Variants in CACNA2D4 observed in about 807,000 individuals in gnomAD.
CACNA2D4 encodes calcium voltage-gated channel auxiliary subunit alpha2delta 4, also known as voltage-dependent calcium channel subunit alpha-2/delta-4.
In CACNA2D4, 157 loss-of-function variants were observed where a neutral mutation model predicts 163.8. The observed-to-expected ratio is 0.96, with a 90% confidence interval of 0.84 to 1.09. The LOEUF is 1.09. Ranked by LOEUF, CACNA2D4 falls within the 50% of genes least tolerant of loss-of-function variation. The probability of loss-of-function intolerance (pLI) is 0.00; values close to 1 mark genes in which losing one functional copy is unlikely to be tolerated. For synonymous variants in CACNA2D4, 598 were observed against 586.9 expected (o/e 1.02, Z -0.27); for missense variants, 1,410 against 1,479.9 (o/e 0.95, Z 0.78).
intron 26 of CACNA2D4, among the ~76,000 whole-genome samples, chr12:1,822,517 C>T (rs901434837): frequency 1.3e-5 from 2 of 152,166 alleles, no homozygotes; most frequent in South Asian, 2.1e-4. Flanking sequence ...GACACCTTAG[C>T]CTCCTTCATG....
Position 1,801,093 on chromosome 12 carries a change from T to C in CACNA2D4, c.2818A>G (p.Met940Val), listed in dbSNP as rs1433650506. 1 of 1,613,852 alleles carries C rather than the reference T, an allele frequency of 6.2e-7. No individual in the cohort carries two copies. Among genetic ancestry groups the C allele is most frequent in the South Asian group, 1.1e-5 (1 of 91,072 alleles). Residue 940 changes from methionine to valine, a missense_variant, in exon 31 of 38, where the codon ATG becomes GTG. Physicochemically the swap from Met to Val is conservative, Grantham distance 21. Coordinates refer to ENST00000382722, the MANE Select transcript of CACNA2D4 (RefSeq NM_172364.5). ...SQVTMYDYQA[M>V]CKPSSHHHSA... Reference sequence around the variant, plus strand: ...TGGTGGTGACTCGAGGGTTTGCACATGGCCTGATAGTCATACATAGTCACT... The same window carrying C: ...TGGTGGTGACTCGAGGGTTTGCACACGGCCTGATAGTCATACATAGTCACT...
intron 18 of CACNA2D4, among the ~76,000 whole-genome samples, chr12:1,870,094 T>C (rs1205250228): frequency 6.6e-6 from 1 of 152,200 alleles, no homozygotes; most frequent in African/African-American, 2.4e-5. Context: ...CGTGGGACAG[T>C]CTTTACTCCT....
intron 26 of CACNA2D4, among the ~76,000 whole-genome samples, chr12:1,812,924 G>A (rs993323480): frequency 6.6e-6 from 1 of 152,150 alleles, no homozygotes; most frequent in Non-Finnish European, 1.5e-5. Flanking sequence ...CTCACTTCTC[G>A]AGTACCCAGT....
chr12:1,912,482 T>G (rs1866850115), intron 3 of CACNA2D4, among the ~76,000 whole-genome samples: 1 of 152,206 alleles, frequency 6.6e-6, no homozygotes, highest in Non-Finnish European at 1.5e-5. Flanking sequence ...TAAGCACCTC[T>G]GCTGCCCGGG....
chr12:1,854,094 T>A, intron 22 of CACNA2D4, 50 bp from the exon 23 acceptor site: 1 of 1,342,910 alleles, frequency 7.4e-7, no homozygotes. Context: ...TCCATGCTCA[T>A]GAACACAACT....
At chr12:1,907,687 G>C in intron 5 of CACNA2D4, 116 bp from the exon 6 acceptor site, 1 of 1,197,650 alleles carries the variant, frequency 8.3e-7, no homozygotes, top group Non-Finnish European at 1.2e-6. Context: ...AAGCGTGCCT[G>C]GTGGGTGTGC....
chr12:1,888,603 A>T (rs1259923174), intron 6 of CACNA2D4, among the ~76,000 whole-genome samples: 1 of 152,260 alleles, frequency 6.6e-6, no homozygotes, highest in African/African-American at 2.4e-5. Context: ...ACAGCCTTGC[A>T]AATATGAAGC....
Position 1,878,532 on chromosome 12 carries a change from A to G in CACNA2D4, c.1645-143T>C. ...TTTTCAATAGGAACGTAACTGAGCC[A>G]GTGCCATGCTTCCATCATTGATTGA... On this transcript the variant is annotated intron_variant, in intron 15 of 37. Transcript: ENST00000382722. The surrounding 1 kb of genome is among the most constrained non-coding windows in gnomAD (Gnocchi z 4.6). The G allele has an allele frequency of 6.9e-7, 1 of 1,450,622 alleles. No individual in the cohort carries two copies. The highest frequency in any genetic ancestry group is 2.0e-5 in the Admixed American group (1 of 50,796). 89.9% of individuals were successfully genotyped at this position (1,450,622 alleles called of 1,614,324 possible). A position where few individuals can be genotyped will look rare whatever the true frequency, so the allele number is the denominator to read the frequency against.
At chr12:1,888,738 GA>G (rs1866210833) in intron 6 of CACNA2D4, among the ~76,000 whole-genome samples, 2 of 152,220 alleles carry the variant, frequency 1.3e-5, no homozygotes, top group African/African-American at 4.8e-5. Context: ...GCTGGAATGA[GA>G]AGGTTTAATA....
chr12:1,810,453 G>A, intron 28 of CACNA2D4, 90 bp downstream of exon 28: 1 of 1,512,770 alleles, frequency 6.6e-7, no homozygotes, highest in Admixed American at 1.9e-5. Flanking sequence ...GGGAAGGAGG[G>A]CATTTGGGAG....
At chr12:1,855,906 T>C in intron 22 of CACNA2D4, 106 bp downstream of exon 22, 3 of 785,534 alleles carry the variant, frequency 3.8e-6, no homozygotes, top group Admixed American at 2.0e-5. Flanking sequence ...GCTAATGGGA[T>C]AGGGCTGTGC....
At chr12:1,872,125 C>T (rs1865800135) in intron 18 of CACNA2D4, among the ~76,000 whole-genome samples, 1 of 152,146 alleles carries the variant, frequency 6.6e-6, no homozygotes, top group Non-Finnish European at 1.5e-5. Context: ...GTTTAACATC[C>T]TAGATGTTGG....
chr12:1,813,038 G>A (rs1863760838), intron 26 of CACNA2D4, among the ~76,000 whole-genome samples: 1 of 152,182 alleles, frequency 6.6e-6, no homozygotes. Flanking sequence ...GAGCAGGGAA[G>A]GGTCAAAGGC....
chr12:1,805,391 A>C (rs1489808213), intron 29 of CACNA2D4, among the ~76,000 whole-genome samples: 1 of 152,180 alleles, frequency 6.6e-6, no homozygotes, highest in African/African-American at 2.4e-5. Flanking sequence ...CTGATGACAG[A>C]TGGAGTAAAT....
chr12:1,799,051 TGGCAAA>T lies in CACNA2D4; in HGVS notation c.2995+618_2995+623del, dbSNP rs990061002. Among the ~76,000 whole-genome samples the T allele has an allele frequency of 2.0e-5, 3 of 152,120 alleles. No individual in the cohort carries two copies. Among genetic ancestry groups the T allele is most frequent in the Non-Finnish European group, 4.4e-5 (3 of 68,024 alleles). Reference sequence around the variant, plus strand: ...GGTGGTGGGAAGTTCTGGAACCCCATGGCAAAGGTTCTAGGAACACGGAGGAACTGA... The same window carrying T: ...GGTGGTGGGAAGTTCTGGAACCCCATGGTTCTAGGAACACGGAGGAACTGA... On this transcript the variant is annotated intron_variant, in intron 34 of 37. Coordinates refer to ENST00000382722, the MANE Select transcript of CACNA2D4 (RefSeq NM_172364.5). The surrounding 1 kb of genome is among the most constrained non-coding windows in gnomAD (Gnocchi z 4.7).
chr12:1,835,766 C>G (rs1018274432), intron 26 of CACNA2D4: 1 of 152,642 alleles, frequency 6.6e-6, no homozygotes, highest in Non-Finnish European at 1.5e-5. Flanking sequence ...CAGCCACACA[C>G]CACTGGTGTT....
intron 18 of CACNA2D4, among the ~76,000 whole-genome samples, chr12:1,868,417 TAGAAAC>T (rs1226304025): frequency 6.6e-6 from 1 of 151,544 alleles, no homozygotes; most frequent in African/African-American, 2.4e-5. Context: ...ATGGAATACA[TAGAAAC>T]AGAGAAAAAT....
At chr12:1,901,142 C>A (rs1866527435) in intron 6 of CACNA2D4, among the ~76,000 whole-genome samples, 1 of 152,040 alleles carries the variant, frequency 6.6e-6, no homozygotes, top group Admixed American at 6.5e-5. Flanking sequence ...TGAAAAATTT[C>A]TTGAAACAAA....
chr12:1,840,660 G>A, intron 26 of CACNA2D4, 79 bp downstream of exon 26: 1 of 1,194,704 alleles, frequency 8.4e-7, no homozygotes. Context: ...CATGTGCAGG[G>A]CCTTCTGCTG....
Sources: allele counts gnomAD v4.1 joint callset (sites outside exome capture counted in the v4.1 genomes callset), GRCh38; gene constraint gnomAD v4.1.1; non-coding constraint Gnocchi (gnomAD v3.1); transcripts MANE v1.5; gene names NCBI Gene and HGNC (gene_info 2026-07-23, HGNC 2026-07-21).